The following GMEB2 variants were observed in gnomAD, a reference collection of about 807,000 sequenced individuals.
GMEB2 encodes the protein glucocorticoid modulatory element-binding protein 2.
A neutral mutation model predicts 45.7 loss-of-function variants in GMEB2; 7 were observed. That is an observed-to-expected ratio of 0.15 (90% CI 0.09 to 0.29). The LOEUF is 0.29. Ranked by LOEUF, GMEB2 falls within the 10% of genes least tolerant of loss-of-function variation. GMEB2 has a pLI of 1.00. For missense variants in GMEB2, 582 were observed against 739.2 expected, an observed-to-expected ratio of 0.79 and a Z score of 2.47; for synonymous variants, 322 against 323.6, an observed-to-expected ratio of 1.00 and a Z score of 0.05.
At chr20:63,611,669 G>C (rs971234160) in intron 2 of GMEB2, among the ~76,000 whole-genome samples, 2 of 151,140 alleles carry the variant, frequency 1.3e-5, no homozygotes, top group Non-Finnish European at 2.9e-5. Context: ...GAACATTCCA[G>C]ACACAGTGGA....
intron 5 of GMEB2, 86 bp from the exon 6 acceptor site, chr20:63,595,853 C>T: frequency 8.0e-7 from 1 of 1,253,502 alleles, no homozygotes; most frequent in Non-Finnish European, 1.2e-6. Flanking sequence ...GGCCATCCAC[C>T]TGCGTGGGGC....
At chr20:63,616,551 G>T (rs1465595841) in intron 2 of GMEB2, among the ~76,000 whole-genome samples, 1 of 152,278 alleles carries the variant, frequency 6.6e-6, no homozygotes. Context: ...CGAGGAGCAG[G>T]AGGGTGCGCG....
intron 4 of GMEB2, among the ~76,000 whole-genome samples, chr20:63,602,323 T>TG (rs2083247911): frequency 6.6e-6 from 1 of 152,102 alleles, no homozygotes; most frequent in Non-Finnish European, 1.5e-5. Flanking sequence ...GATTCACCCT[T>TG]GGAGGTGCCA....
Position 63,593,110 on chromosome 20 carries a change from G to C in GMEB2, c.620-28C>G, listed in dbSNP as rs2083164362. Reference sequence around the variant, plus strand: ...GCAGCCGAAAGGGAACCTCGGGTGAGTGCTGTTTGGACCACAGTCCCACAC... The same window carrying C: ...GCAGCCGAAAGGGAACCTCGGGTGACTGCTGTTTGGACCACAGTCCCACAC... On this transcript the variant is annotated intron_variant, in intron 6 of 9. Transcript: ENST00000370077. This position sits in a 1 kb window ranked among gnomAD's most constrained non-coding sequence, Gnocchi z 4.7. The C allele has an allele frequency of 4.8e-6, 7 of 1,470,372 alleles. No individual in the cohort carries two copies. Among genetic ancestry groups the C allele is most frequent in the Non-Finnish European group, 6.6e-6 (7 of 1,054,340 alleles). The allele number at this position is 1,470,372 out of a possible 1,614,324, so 91.1% of individuals were successfully genotyped here. A position where few individuals can be genotyped will look rare whatever the true frequency, so the allele number is the denominator to read the frequency against.
intron 2 of GMEB2, among the ~76,000 whole-genome samples, chr20:63,612,976 T>G (rs1456717675): frequency 1.3e-5 from 2 of 152,060 alleles, no homozygotes; most frequent in Non-Finnish European, 2.9e-5. Flanking sequence ...CTTTTTTTTT[T>G]TCGGAGACGC....
chr20:63,616,731 A>G (rs1173865701), intron 2 of GMEB2, among the ~76,000 whole-genome samples: 1 of 152,218 alleles, frequency 6.6e-6, no homozygotes, highest in African/African-American at 2.4e-5. Context: ...TCCCACCCTC[A>G]CCCATCCAGC....
chr20:63,613,521 C>CTTT (rs11481490), intron 2 of GMEB2, among the ~76,000 whole-genome samples: 7 of 139,536 alleles, frequency 5.0e-5, no homozygotes, highest in Non-Finnish European at 7.7e-5. Context: ...TTTTTGTTTT[C>CTTT]TTTTTTTTTT....
At position 63,595,710 on chromosome 20, in the gene GMEB2, G is replaced by A. The variant is rs1489275654; in HGVS notation, c.519C>T (p.Asn173=). The A allele has an allele frequency of 2.5e-6, 4 of 1,613,442 alleles. No individual in the cohort carries two copies. The highest frequency in any genetic ancestry group is 2.2e-5 in the East Asian group (1 of 44,894). The stretch of plus-strand genomic sequence containing the variant: ...GGTCAATCTTTGTGCTGCGGCAGGT[G>A]TTGGAGCAGACCTTGTCATGCTGGT... ...DFYQHDKVCS[N]TCRSTKIDLS... is the part of the protein sequence containing the mutation. The change falls in exon 6 of 10, where the codon AAC becomes AAT. Residue 173 remains asparagine (N), a synonymous_variant. Coordinates refer to ENST00000370077, the MANE Select transcript of GMEB2 (RefSeq NM_012384.5).
At chr20:63,608,216 C>G (rs867616746) in intron 2 of GMEB2, among the ~76,000 whole-genome samples, 2 of 4,542 alleles carry the variant, frequency 4.4e-4, no homozygotes, top group African/African-American at 1.1e-3. Context: ...ACATGCCCCT[C>G]TGACCTCACC....
Position 63,592,713 on chromosome 20 carries a change from C to T in GMEB2, c.692-43G>A. ...GGTTCAGTGGGCAGGGAAAGTGCTG[C>T]TACACGGGGCAGCCACCACAGCCAC... On this transcript the variant is annotated intron_variant, in intron 7 of 9. Transcript: ENST00000370077. The surrounding 1 kb of genome is among the most constrained non-coding windows in gnomAD (Gnocchi z 8.2). 6.4e-7 allele frequency: 1 copy of T among 1,562,656 alleles called. No homozygotes were observed. The highest frequency in any genetic ancestry group is 8.8e-7 in the Non-Finnish European group (1 of 1,136,776).
chr20:63,591,976 C>G (rs1251137266), intron 9 of GMEB2, 46 bp downstream of exon 9: 1 of 1,559,718 alleles, frequency 6.4e-7, no homozygotes, highest in Middle Eastern at 1.7e-4. Context: ...GCTCCAGGTC[C>G]TCAGCCTACC....
At position 63,595,777 on chromosome 20, in the gene GMEB2, A is replaced by G. The variant is rs774768979; in HGVS notation, c.462-10T>C. On this transcript the variant is annotated splice_polypyrimidine_tract_variant and intron_variant, in intron 5 of 9. Coordinates refer to ENST00000370077, the MANE Select transcript of GMEB2 (RefSeq NM_012384.5). ...GGAGTCCATGATCTTCCTGTGACAGACAGTGGCATGGAGCGTCCAGGTCGG... is the reference window on the plus strand; with the variant it reads ...GGAGTCCATGATCTTCCTGTGACAGGCAGTGGCATGGAGCGTCCAGGTCGG... 1.9e-6 allele frequency: 3 copies of G among 1,613,738 alleles called. No individual in the cohort carries two copies. The highest frequency in any genetic ancestry group is 8.5e-7 in the Non-Finnish European group (1 of 1,179,704).
At chr20:63,617,839 C>T (rs926855510) in intron 2 of GMEB2, among the ~76,000 whole-genome samples, 12 of 151,886 alleles carry the variant, frequency 7.9e-5, no homozygotes, top group East Asian at 3.9e-4. Flanking sequence ...TCCACCCAGA[C>T]GCCTGGGTGG....
intron 2 of GMEB2, among the ~76,000 whole-genome samples, chr20:63,607,361 T>A (rs7267456): frequency 1.1e-4 from 1 of 9,388 alleles, no homozygotes; most frequent in Non-Finnish European, 4.6e-4. Context: ...TAGAAACATG[T>A]CCCTCTGACC....
chr20:63,611,910 C>T (rs531278515), intron 2 of GMEB2, among the ~76,000 whole-genome samples: 33 of 151,874 alleles, frequency 2.2e-4, no homozygotes, highest in African/African-American at 7.5e-4. Context: ...TACACGGGGC[C>T]GGGCATGGTG....
At chr20:63,601,537 C>T (rs1471019040) in intron 4 of GMEB2, among the ~76,000 whole-genome samples, 9 of 145,098 alleles carry the variant, frequency 6.2e-5, no homozygotes, top group Non-Finnish European at 1.1e-4. Flanking sequence ...GCTCTCTTTT[C>T]TTTTTTTTTT....
At chr20:63,625,182 CTTTGT>C (rs1416571267) in intron 1 of GMEB2, among the ~76,000 whole-genome samples, 3 of 151,898 alleles carry the variant, frequency 2.0e-5, no homozygotes, top group Non-Finnish European at 4.4e-5. Flanking sequence ...ACAGCTCCTT[CTTTGT>C]TTTTTTGAGA....
chr20:63,620,172 T>G (rs909342), intron 1 of GMEB2, among the ~76,000 whole-genome samples: 1 of 152,056 alleles, frequency 6.6e-6, no homozygotes, highest in Admixed American at 6.5e-5. Context: ...GTGCTGGGAT[T>G]GCAGGTGTGA....
At chr20:63,625,171 C>T (rs950207517) in intron 1 of GMEB2, among the ~76,000 whole-genome samples, 1 of 152,022 alleles carries the variant, frequency 6.6e-6, no homozygotes, top group African/African-American at 2.4e-5. Flanking sequence ...CTCCTCTCTC[C>T]ACAGCTCCTT....
Sources: allele counts gnomAD v4.1 joint callset (sites outside exome capture counted in the v4.1 genomes callset), GRCh38; gene constraint gnomAD v4.1.1; non-coding constraint Gnocchi (gnomAD v3.1); transcripts MANE v1.5; gene names NCBI Gene and HGNC (gene_info 2026-07-23, HGNC 2026-07-21).